Variants in MACF1 observed in about 807,000 individuals in gnomAD.
MACF1 encodes the protein microtubule actin crosslinking factor 1.
In MACF1, 193 loss-of-function variants were observed where a neutral mutation model predicts 854.8. The ratio of observed to expected loss-of-function variants is 0.23; its 90% CI spans 0.20 to 0.25. The LOEUF is 0.25. Ranked by LOEUF, MACF1 falls within the 10% of genes least tolerant of loss-of-function variation. The pLI, the probability that MACF1 is intolerant of heterozygous loss-of-function variation, is 1.00. For synonymous variants in MACF1, 3,185 were observed against 3,226.7 expected, an observed-to-expected ratio of 0.99 and a Z score of 0.44; for missense variants, 7,722 against 8,929.1, an observed-to-expected ratio of 0.86 and a Z score of 5.45.
In MACF1 at chr1:39,349,479, C is replaced by CAACAAAATA; in HGVS notation, c.10817_10818insAACAAAATA (p.Thr3606_Leu3607insThrLysTyr). The CAACAAAATA allele has an allele frequency of 6.2e-7, 1 of 1,611,184 alleles. No homozygotes were observed. The highest frequency in any genetic ancestry group is 8.5e-7 in the Non-Finnish European group (1 of 1,178,928). Reference sequence around the variant, plus strand: ...TTGACCCCTTTGCATTTTAATTAGACCCTGCAGAAACAACAAAATACCTGT... The same window carrying CAACAAAATA: ...TTGACCCCTTTGCATTTTAATTAGACAACAAAATACCTGCAGAAACAACAAAATACCTGT... On this transcript the variant is annotated inframe_insertion and splice_region_variant, in exon 42 of 101. Coordinates refer to ENST00000564288, the MANE Select transcript of MACF1 (RefSeq NM_001394062.1).
At chr1:39,231,288 T>C (rs756850882) in intron 2 of MACF1, 45 bp downstream of exon 2, 38 of 1,528,502 alleles carry the variant, frequency 2.5e-5, no homozygotes, top group Non-Finnish European at 3.2e-5. Flanking sequence ...CTCTCACTGC[T>C]CTCATCTGGA....
intron 52 of MACF1, 188 bp downstream of exon 52, chr1:39,372,784 C>A: frequency 1.9e-6 from 1 of 513,430 alleles, no homozygotes; most frequent in Admixed American, 3.6e-5. Context: ...CTCCATTTTG[C>A]AAAATTCCTT....
chr1:39,314,655 C>G (rs991135101), intron 26 of MACF1, among the ~76,000 whole-genome samples: 1 of 151,226 alleles, frequency 6.6e-6, no homozygotes, highest in Non-Finnish European at 1.5e-5. Flanking sequence ...ACCCATAGCA[C>G]AGGGATTATT....
chr1:39,222,615 G>C (rs1644666528), intron 1 of MACF1, among the ~76,000 whole-genome samples: 1 of 152,130 alleles, frequency 6.6e-6, no homozygotes, highest in South Asian at 2.1e-4. Flanking sequence ...CTATGCTTGT[G>C]CTATAGTGTC....
At position 39,333,408 on chromosome 1, in the gene MACF1, A is replaced by G. The variant is rs1423994536; in HGVS notation, c.6820A>G (p.Ser2274Gly). 1.9e-6 allele frequency: 3 copies of G among 1,614,130 alleles called. No individual in the cohort carries two copies. Among genetic ancestry groups the G allele is most frequent in the South Asian group, 2.2e-5 (2 of 91,086 alleles). The change falls in exon 37 of 101, where the codon AGT becomes GGT. Residue 2274 changes from serine to glycine, a missense_variant. Transcript: ENST00000564288. ...DSGREIFLSC[S>G]HPLELLEEAT... is the part of the protein sequence containing the mutation. ...TGGCAGGGAAATTTTTCTGTCATGC[A>G]GTCATCCATTAGAATTGCTTGAAGA...
At chr1:39,209,384 G>A (rs1263338899) in intron 1 of MACF1, among the ~76,000 whole-genome samples, 1 of 152,154 alleles carries the variant, frequency 6.6e-6, no homozygotes, top group Non-Finnish European at 1.5e-5. Flanking sequence ...TTAATTAGAT[G>A]ATACAGAGTT....
chr1:39,441,802 A>G (rs569968336), intron 74 of MACF1, 150 bp from the exon 75 acceptor site: 1 of 643,496 alleles, frequency 1.6e-6, no homozygotes, highest in South Asian at 1.9e-5. Flanking sequence ...TATAAAGATC[A>G]TTATTCTTTA....
At position 39,331,903 on chromosome 1, in the gene MACF1, C is replaced by A. The variant is rs745714253; in HGVS notation, c.5315C>A (p.Ala1772Asp). ...TVRLLEAQLF[A>D]GGIVDPRTGH... is the part of the protein sequence containing the mutation. Reference sequence around the variant, plus strand: ...CGGTTGCTGGAAGCTCAGCTTTTTGCTGGTGGCATAGTAGATCCAAGAACA... The same window carrying A: ...CGGTTGCTGGAAGCTCAGCTTTTTGATGGTGGCATAGTAGATCCAAGAACA... Residue 1772 changes from alanine to aspartate, a missense_variant, in exon 37 of 101, where the codon GCT becomes GAT. Transcript: ENST00000564288. 7.4e-6 allele frequency: 12 copies of A among 1,613,974 alleles called. No homozygotes were observed. The highest frequency in any genetic ancestry group is 1.6e-4 in the Middle Eastern group (1 of 6,082).
At chr1:39,366,018 A>G (rs539106363) in intron 49 of MACF1, among the ~76,000 whole-genome samples, 1 of 152,134 alleles carries the variant, frequency 6.6e-6, no homozygotes, top group Non-Finnish European at 1.5e-5. Flanking sequence ...GTTTCCATTC[A>G]TGTACCAGAG....
intron 97 of MACF1, among the ~76,000 whole-genome samples, chr1:39,477,155 G>A (rs78486180): frequency 1.4e-4 from 5 of 36,982 alleles, no homozygotes; most frequent in Non-Finnish European, 2.7e-4. Flanking sequence ...CACACACACA[G>A]ATGTGCAAAG....
rs1644499865 is a variant in MACF1 at position 39,459,162 on chromosome 1, C to T, written c.21273C>T (p.Asn7091=). The change falls in exon 91 of 101, where the codon AAC becomes AAT. Residue 7091 remains asparagine (N), a synonymous_variant. Transcript: ENST00000564288. The part of the protein sequence containing the change: ...SQSEAKNPRI[N]QLSARWQQVW... Reference sequence around the variant, plus strand: ...CTGAAGCAAAAAACCCACGGATCAACCAGCTTTCTGCCCGCTGGCAGCAGG... The same window carrying T: ...CTGAAGCAAAAAACCCACGGATCAATCAGCTTTCTGCCCGCTGGCAGCAGG... The T allele has an allele frequency of 6.2e-7, 1 of 1,614,050 alleles. No individual in the cohort carries two copies. The highest frequency in any genetic ancestry group is 1.7e-5 in the Admixed American group (1 of 59,998).
intron 6 of MACF1, among the ~76,000 whole-genome samples, chr1:39,261,119 C>T (rs1383252462): frequency 6.6e-6 from 1 of 152,090 alleles, no homozygotes; most frequent in Non-Finnish European, 1.5e-5. Context: ...TTTTACCTTA[C>T]ATTATGTAGA....
chr1:39,459,670 G>T, intron 91 of MACF1: 1 of 365,470 alleles, frequency 2.7e-6, no homozygotes. Context: ...AATTTTTAAT[G>T]ATTTTGTTAT....
chr1:39,485,492 C>G (rs1233330260), intron 100 of MACF1, 46 bp from the exon 101 acceptor site: 3 of 1,533,018 alleles, frequency 2.0e-6, no homozygotes, highest in Non-Finnish European at 2.6e-6. Flanking sequence ...GTTCTTCCAC[C>G]CCATGCCATC....
intron 18 of MACF1, among the ~76,000 whole-genome samples, chr1:39,294,665 T>C (rs951596729): frequency 5.3e-5 from 8 of 152,192 alleles, no homozygotes; most frequent in Admixed American, 2.6e-4. Context: ...TGGAGGACAT[T>C]GTAGGCTGAA....
At chr1:39,125,489 G>C (rs371645957) in intron 2 of MACF1, among the ~76,000 whole-genome samples, 1 of 152,202 alleles carries the variant, frequency 6.6e-6, no homozygotes, top group Non-Finnish European at 1.5e-5. Flanking sequence ...CTCAATATCC[G>C]TGAGTTGTCT....
In MACF1 at chr1:39,429,907, G is replaced by A. The variant is rs762186137; in HGVS notation, c.16969G>A (p.Ala5657Thr). 3 of 1,614,016 alleles carry A rather than the reference G, an allele frequency of 1.9e-6. No homozygotes were observed. In the African/African-American group the frequency reaches 4.0e-5, roughly 22 times the overall value. The part of the protein sequence containing the change: ...YADITVTSSK[A>T]LRTLEQARQL... ...AGACATCACAGTTACTAGCTCCAAGGCCCTCAGAACTTTAGAGCAAGCCCG... is the reference window on the plus strand; with the variant it reads ...AGACATCACAGTTACTAGCTCCAAGACCCTCAGAACTTTAGAGCAAGCCCG... The change falls in exon 65 of 101, where the codon GCC (alanine) becomes ACC (threonine). Residue 5657 changes from alanine to threonine, a missense_variant. Physicochemically the swap from Ala to Thr is moderately conservative, Grantham distance 58. Coordinates refer to ENST00000564288, the MANE Select transcript of MACF1 (RefSeq NM_001394062.1).
At chr1:39,285,442 T>A in intron 13 of MACF1, 52 bp downstream of exon 13, 1 of 1,591,912 alleles carries the variant, frequency 6.3e-7, no homozygotes, top group African/African-American at 1.3e-5. Context: ...TTCCTGCTTC[T>A]CACCCTCTGC....
chr1:39,238,175 G>A (rs16837533), intron 2 of MACF1, among the ~76,000 whole-genome samples: 19,635 of 152,176 alleles, frequency 0.13, 1,561 homozygotes, highest in East Asian at 0.19. Context: ...AGAAATGTGC[G>A]TCTGTCCCTG....
Sources: allele counts gnomAD v4.1 joint callset (sites outside exome capture counted in the v4.1 genomes callset), GRCh38; gene constraint gnomAD v4.1.1; transcripts MANE v1.5; gene names NCBI Gene and HGNC (gene_info 2026-07-23, HGNC 2026-07-21).